CACNG4: variants seen among roughly 807,000 people sequenced by gnomAD.
The protein encoded by CACNG4 is voltage-dependent calcium channel gamma-4 subunit.
In CACNG4, 8 loss-of-function variants were observed where a neutral mutation model predicts 22.9. That is an observed-to-expected ratio of 0.35 (90% CI 0.21 to 0.63). The LOEUF (loss-of-function observed/expected upper bound fraction) is 0.63, where lower values mean the gene tolerates loss of function less well. CACNG4 is among the 30% of genes least tolerant of loss of function. The probability of loss-of-function intolerance (pLI) is 0.72; values close to 1 mark genes in which losing one functional copy is unlikely to be tolerated. For missense variants in CACNG4, 357 were observed against 455.4 expected (o/e 0.78, Z 1.97); for synonymous variants, 188 against 191.9 (o/e 0.98, Z 0.17).
At chr17:66,974,293 A>G (rs1193058804) in intron 1 of CACNG4, among the ~76,000 whole-genome samples, 1 of 152,156 alleles carries the variant, frequency 6.6e-6, no homozygotes, top group Non-Finnish European at 1.5e-5. Context: ...GCATACAATA[A>G]AAGGGGAATA....
rs142645104 is a variant in CACNG4 at position 67,007,832 on chromosome 17, C to A, written c.221-10357C>A. Among the ~76,000 whole-genome samples, 15 of 152,308 alleles carry A rather than the reference C, an allele frequency of 9.8e-5. No homozygotes were observed. The East Asian group carries it at 2.9e-3, about 29-fold the overall frequency. On this transcript the variant is annotated intron_variant, in intron 1 of 3. Transcript: ENST00000262138. ...CAGTCCAAATGGGTGGCCCTCTCAA[C>A]GGACACCTGTGTTCCACAGAGTGAT...
At chr17:67,018,331 C>A in intron 2 of CACNG4, 59 bp downstream of exon 2, 3 of 1,318,782 alleles carry the variant, frequency 2.3e-6, no homozygotes, top group Non-Finnish European at 3.3e-6. Flanking sequence ...TGGGGGAAGG[C>A]GGCCGGAGGA....
chr17:66,992,264 C>A (rs992737257), intron 1 of CACNG4, among the ~76,000 whole-genome samples: 1 of 152,068 alleles, frequency 6.6e-6, no homozygotes, highest in Non-Finnish European at 1.5e-5. Context: ...GAATAGGTCC[C>A]ATAGATTGGG....
intron 1 of CACNG4, among the ~76,000 whole-genome samples, chr17:66,979,120 G>A (rs1006771032): frequency 9.2e-5 from 14 of 152,162 alleles, no homozygotes; most frequent in Admixed American, 5.9e-4. Flanking sequence ...ACACCCACAC[G>A]GCCAACCTGA....
intron 1 of CACNG4, among the ~76,000 whole-genome samples, chr17:66,982,590 T>G (rs2035283850): frequency 6.6e-6 from 1 of 152,192 alleles, no homozygotes. Flanking sequence ...AAGTCCCCAC[T>G]CAACCCAGGA....
chr17:66,994,626 T>C (rs938093292), intron 1 of CACNG4, among the ~76,000 whole-genome samples: 2 of 152,186 alleles, frequency 1.3e-5, no homozygotes, highest in Non-Finnish European at 2.9e-5. Context: ...TGGAACCAGA[T>C]ACAATGATGT....
At chr17:67,004,297 C>T (rs558528551) in intron 1 of CACNG4, among the ~76,000 whole-genome samples, 14 of 152,274 alleles carry the variant, frequency 9.2e-5, no homozygotes, top group South Asian at 2.1e-4. Flanking sequence ...GAAATCTCTC[C>T]GGCTCCGTTT....
chr17:66,983,724 C>A (rs1263900801), intron 1 of CACNG4, among the ~76,000 whole-genome samples: 1 of 152,210 alleles, frequency 6.6e-6, no homozygotes, highest in Non-Finnish European at 1.5e-5. Context: ...AGACATTAAC[C>A]ATGCACTTCA....
intron 1 of CACNG4, among the ~76,000 whole-genome samples, chr17:66,979,607 T>C (rs1567750457): frequency 6.6e-6 from 1 of 152,186 alleles, no homozygotes; most frequent in Non-Finnish European, 1.5e-5. Context: ...GATCTCCTTC[T>C]TCTTTCGAAC....
At chr17:66,978,734 T>A (rs2035253299) in intron 1 of CACNG4, among the ~76,000 whole-genome samples, 1 of 152,254 alleles carries the variant, frequency 6.6e-6, no homozygotes, top group Admixed American at 6.5e-5. Flanking sequence ...GCCTCGCATC[T>A]GAGCCTTCGC....
At chr17:66,969,448 G>T (rs1225099170) in intron 1 of CACNG4, among the ~76,000 whole-genome samples, 1 of 152,246 alleles carries the variant, frequency 6.6e-6, no homozygotes, top group African/African-American at 2.4e-5. Flanking sequence ...CACCTGTTTT[G>T]TGCCAGCTCT....
chr17:67,028,051 T>C (rs939953285), intron 3 of CACNG4, among the ~76,000 whole-genome samples: 4 of 150,966 alleles, frequency 2.6e-5, no homozygotes, highest in African/African-American at 9.7e-5. Flanking sequence ...AGCGAACTAG[T>C]AGGGTAAAAA....
intron 2 of CACNG4, among the ~76,000 whole-genome samples, chr17:67,019,219 T>C (rs1242251156): frequency 1.3e-5 from 2 of 152,068 alleles, no homozygotes; most frequent in East Asian, 3.9e-4. Flanking sequence ...AGAGAAAGGA[T>C]TTTGATTCTG....
At chr17:66,979,814 A>T (rs184867265) in intron 1 of CACNG4, among the ~76,000 whole-genome samples, 168 of 145,192 alleles carry the variant, frequency 1.2e-3, no homozygotes, top group Non-Finnish European at 2.5e-4. Context: ...CAGTGGCGCA[A>T]TCTCTGCTCA....
chr17:66,965,166 A>ACACG, intron 1 of CACNG4, 35 bp downstream of exon 1: 1 of 1,071,156 alleles, frequency 9.3e-7, no homozygotes, highest in Non-Finnish European at 1.3e-6. Flanking sequence ...CGCCCCACAC[A>ACACG]CACACACACA....
intron 1 of CACNG4, among the ~76,000 whole-genome samples, chr17:66,977,135 A>G (rs1366464677): frequency 2.6e-5 from 4 of 152,068 alleles, no homozygotes; most frequent in Non-Finnish European, 5.9e-5. Flanking sequence ...TCTCGCCTGG[A>G]TGCCCGCTGT....
intron 2 of CACNG4, among the ~76,000 whole-genome samples, chr17:67,022,653 G>A (rs545226896): frequency 2.6e-5 from 4 of 152,374 alleles, no homozygotes; most frequent in Non-Finnish European, 5.9e-5. Context: ...CCTGAAACCC[G>A]CTCAGCTGGC....
At chr17:67,018,977 A>G (rs1219066601) in intron 2 of CACNG4, among the ~76,000 whole-genome samples, 3 of 151,186 alleles carry the variant, frequency 2.0e-5, no homozygotes, top group Non-Finnish European at 3.0e-5. Context: ...TCCAGATCTC[A>G]TCCCTGGGCC....
chr17:66,994,235 G>A (rs2035359558), intron 1 of CACNG4, among the ~76,000 whole-genome samples: 1 of 151,128 alleles, frequency 6.6e-6, no homozygotes, highest in African/African-American at 2.4e-5. Flanking sequence ...GCTGAGGTGA[G>A]AGGATTGCTT....
Sources: allele counts gnomAD v4.1 joint callset (sites outside exome capture counted in the v4.1 genomes callset), GRCh38; gene constraint gnomAD v4.1.1; transcripts MANE v1.5; gene names NCBI Gene and HGNC (gene_info 2026-07-23, HGNC 2026-07-21).